CRACR2A: variants seen among roughly 807,000 people sequenced by gnomAD.
The protein encoded by CRACR2A is EF-hand calcium-binding domain-containing protein 4B.
CRACR2A carries 79 observed loss-of-function variants against 90.5 expected under a neutral mutation model. The observed-to-expected ratio is 0.87, with a 90% CI of 0.73 to 1.05. The LOEUF is 1.05. Ranked by LOEUF, CRACR2A falls within the 50% of genes least tolerant of loss-of-function variation. The probability of loss-of-function intolerance (pLI) is 0.00; values close to 1 mark genes in which losing one functional copy is unlikely to be tolerated. For synonymous variants in CRACR2A, 338 were observed against 356.7 expected, an observed-to-expected ratio of 0.95 and a Z score of 0.59; for missense variants, 823 against 897.2, an observed-to-expected ratio of 0.92 and a Z score of 1.06.
intron 14 of CRACR2A, among the ~76,000 whole-genome samples, chr12:3,635,817 T>C (rs1283513669): frequency 1.3e-5 from 2 of 152,234 alleles, no homozygotes; most frequent in African/African-American, 4.8e-5. Flanking sequence ...ATTACCACCA[T>C]GGCCTCCCAA....
chr12:3,672,521 A>C (rs1945263554), intron 7 of CRACR2A, among the ~76,000 whole-genome samples: 1 of 152,176 alleles, frequency 6.6e-6, no homozygotes, highest in African/African-American at 2.4e-5. Context: ...TCCAAGCTCT[A>C]CTCAAACCCA....
chr12:3,714,569 A>G (rs1946055916), intron 2 of CRACR2A, among the ~76,000 whole-genome samples: 1 of 152,248 alleles, frequency 6.6e-6, no homozygotes, highest in Non-Finnish European at 1.5e-5. Context: ...AAACTCACTT[A>G]GAAAAAAATT....
chr12:3,666,373 G>A (rs535180707), intron 7 of CRACR2A, among the ~76,000 whole-genome samples: 131 of 151,952 alleles, frequency 8.6e-4, no homozygotes, highest in African/African-American at 1.5e-3. Context: ...GTGCGCGTGC[G>A]CGCGCACGCG....
chr12:3,630,419 G>A (rs1035500447), intron 15 of CRACR2A, among the ~76,000 whole-genome samples: 2 of 152,136 alleles, frequency 1.3e-5, no homozygotes, highest in South Asian at 4.1e-4. Context: ...AAATACCCTA[G>A]GGGGCTGCTG....
At chr12:3,680,403 G>T in intron 4 of CRACR2A, 54 bp from the exon 5 acceptor site, 1 of 1,501,632 alleles carries the variant, frequency 6.7e-7, no homozygotes, top group Non-Finnish European at 9.3e-7. Flanking sequence ...GGTGGGGGAG[G>T]TGACCTGGGA....
At chr12:3,650,067 A>C (rs1247378584) in intron 10 of CRACR2A, among the ~76,000 whole-genome samples, 7 of 152,222 alleles carry the variant, frequency 4.6e-5, no homozygotes. Flanking sequence ...ACAAGGGTTC[A>C]TAGTTTCACG....
chr12:3,742,660 T>C (rs991493049), intron 1 of CRACR2A, among the ~76,000 whole-genome samples: 9 of 152,214 alleles, frequency 5.9e-5, no homozygotes, highest in African/African-American at 2.2e-4. Context: ...AGAACGTCAC[T>C]GGTTTAATTT....
chr12:3,624,850 T>C (rs1324047174), intron 17 of CRACR2A, among the ~76,000 whole-genome samples: 1 of 152,132 alleles, frequency 6.6e-6, no homozygotes, highest in Admixed American at 6.5e-5. Context: ...CCCAGGAGAG[T>C]CCTATATATG....
At chr12:3,637,718 A>G (rs1370619979) in intron 14 of CRACR2A, among the ~76,000 whole-genome samples, 1 of 152,100 alleles carries the variant, frequency 6.6e-6, no homozygotes, top group Admixed American at 6.5e-5. Flanking sequence ...TTTAGATTGT[A>G]TGACCCGACC....
At chr12:3,749,958 C>T (rs376735972) in intron 1 of CRACR2A, among the ~76,000 whole-genome samples, 8 of 151,026 alleles carry the variant, frequency 5.3e-5, no homozygotes, top group South Asian at 2.1e-4. Flanking sequence ...TTTTTTGAGA[C>T]GGAGTATCGC....
rs1156777314 is a variant in CRACR2A at position 3,679,068 on chromosome 12, C to G, written c.371G>C (p.Ser124Thr). Residue 124 changes from serine (S) to threonine (T), a missense_variant, in exon 6 of 20, where the codon AGT becomes ACT. Coordinates refer to ENST00000440314, the MANE Select transcript of CRACR2A (RefSeq NM_001144958.2). Reference protein sequence around the residue: ...SHFFFSQNNPSQEDAGEQVAQ... With the variant: ...SHFFFSQNNPTQEDAGEQVAQ... ...CACCTGTTCACCTGCATCTTCCTGA[C>G]TTGGGTTATTCTGGCTGAAGAAGAA... 1 of 1,613,168 alleles carries G rather than the reference C, an allele frequency of 6.2e-7. No homozygotes were observed. Among genetic ancestry groups the G allele is most frequent in the South Asian group, 1.1e-5 (1 of 90,902 alleles).
intron 14 of CRACR2A, among the ~76,000 whole-genome samples, chr12:3,636,912 A>G (rs1944463768): frequency 6.6e-6 from 1 of 152,216 alleles, no homozygotes; most frequent in South Asian, 2.1e-4. Context: ...CAAGGCGGCA[A>G]AGGCTCAGTT....
chr12:3,674,406 C>T (rs533750806), intron 6 of CRACR2A, among the ~76,000 whole-genome samples: 50 of 152,252 alleles, frequency 3.3e-4, no homozygotes. Context: ...AGGCTGACAC[C>T]CAGGGAGGGA....
intron 4 of CRACR2A, among the ~76,000 whole-genome samples, chr12:3,680,609 CATTT>C (rs1254793395): frequency 6.6e-6 from 1 of 152,170 alleles, no homozygotes; most frequent in Non-Finnish European, 1.5e-5. Context: ...TGTAAATATG[CATTT>C]ATTTATCTAT....
intron 1 of CRACR2A, among the ~76,000 whole-genome samples, chr12:3,738,208 G>A (rs968247223): frequency 6.6e-6 from 1 of 152,188 alleles, no homozygotes; most frequent in African/African-American, 2.4e-5. Context: ...TAAGTACCTA[G>A]ATGGACCTTA....
chr12:3,622,966 A>T (rs1323201055), intron 17 of CRACR2A, among the ~76,000 whole-genome samples: 1 of 152,244 alleles, frequency 6.6e-6, no homozygotes, highest in East Asian at 1.9e-4. Flanking sequence ...AATGACAAAG[A>T]TCGCAGAATG....
chr12:3,656,209 A>T, intron 9 of CRACR2A, 102 bp downstream of exon 9: 3 of 1,138,256 alleles, frequency 2.6e-6, no homozygotes, highest in Non-Finnish European at 3.9e-6. Context: ...TCAGGTTAAA[A>T]ACTCAAAAGT....
intron 17 of CRACR2A, among the ~76,000 whole-genome samples, chr12:3,622,451 C>T (rs1944166331): frequency 6.6e-6 from 1 of 152,212 alleles, no homozygotes. Flanking sequence ...TTCCCTCCAC[C>T]TTCAGTTATT....
chr12:3,640,699 T>G, intron 13 of CRACR2A: 1 of 1,305,424 alleles, frequency 7.7e-7, no homozygotes. Flanking sequence ...GCATATCTTT[T>G]TCATTTCATG....
Sources: allele counts gnomAD v4.1 joint callset (sites outside exome capture counted in the v4.1 genomes callset), GRCh38; gene constraint gnomAD v4.1.1; transcripts MANE v1.5; gene names NCBI Gene and HGNC (gene_info 2026-07-23, HGNC 2026-07-21).